GBX2: variants seen among roughly 807,000 people sequenced by gnomAD.
The protein encoded by GBX2 is homeobox protein GBX-2.
A neutral mutation model predicts 22.4 loss-of-function variants in GBX2; 5 were observed. The observed-to-expected ratio is 0.22, with a 90% CI of 0.12 to 0.47. GBX2 has a LOEUF of 0.47. Among genes scored for constraint, GBX2 ranks in the 20% least tolerant of loss-of-function variants. The pLI is 0.99. For missense variants in GBX2, 470 were observed against 495.4 expected, an observed-to-expected ratio of 0.95 and a Z score of 0.49; for synonymous variants, 220 against 230.5, an observed-to-expected ratio of 0.95 and a Z score of 0.41.
At chr2:236,167,317 T>A in intron 1 of GBX2, 132 bp downstream of exon 1, 1 of 1,361,928 alleles carries the variant, frequency 7.3e-7, no homozygotes, top group South Asian at 1.3e-5. Flanking sequence ...CCGGGCCTCA[T>A]CCTCCAGCTC....
chr2:236,163,078 G>T (rs1576380329), downstream of GBX2, among the ~76,000 whole-genome samples: 1 of 152,328 alleles, frequency 6.6e-6, no homozygotes, highest in African/African-American at 2.4e-5. Context: ...ATTCATTAGG[G>T]CCCGGGCGAT....
chr2:236,164,698 C>T (rs909170182), downstream of GBX2, among the ~76,000 whole-genome samples: 7 of 152,280 alleles, frequency 4.6e-5, no homozygotes, highest in African/African-American at 1.7e-4. Flanking sequence ...AGCCAGCCTC[C>T]GCCTCCGACT....
downstream of GBX2, among the ~76,000 whole-genome samples, chr2:236,163,569 C>T (rs1226529643): frequency 6.6e-6 from 1 of 152,198 alleles, no homozygotes; most frequent in Non-Finnish European, 1.5e-5. Flanking sequence ...ATATGGGGGG[C>T]ACTCCAGGAT....
downstream of GBX2, among the ~76,000 whole-genome samples, chr2:236,163,947 G>T (rs180689332): frequency 6.8e-3 from 1,042 of 152,158 alleles, 7 homozygotes; most frequent in African/African-American, 0.022. Context: ...TCGGCGCCCC[G>T]CAGAGCCGGC....
chr2:236,163,807 A>C (rs2060223318), downstream of GBX2, among the ~76,000 whole-genome samples: 2 of 152,092 alleles, frequency 1.3e-5, no homozygotes, highest in South Asian at 4.1e-4. Flanking sequence ...ACCTGCACTC[A>C]GCGCTTCCTG....
At position 236,166,543 on chromosome 2, in the gene GBX2, A is replaced by C; in HGVS notation, c.524-106T>G. The stretch of plus-strand genomic sequence containing the variant: ...CCGCGCCCCCCGCCCCCCACCCTTT[A>C]GCGGATTGTCTTTCTATGACATTAA... On this transcript the variant is annotated intron_variant, in intron 1 of 1. Transcript: ENST00000306318. This position sits in a 1 kb window ranked among gnomAD's most constrained non-coding sequence, Gnocchi z 6.6. 3.2e-6 allele frequency: 3 copies of C among 934,008 alleles called. No homozygotes were observed. The highest frequency in any genetic ancestry group is 4.9e-6 in the Non-Finnish European group (3 of 613,290). 57.9% of individuals were successfully genotyped at this position (934,008 alleles called of 1,614,324 possible).
rs1181360817 is a variant in GBX2 at position 236,167,918 on chromosome 2, A to G, written c.54T>C (p.Ser18=). The change falls in exon 1 of 2, where the codon AGT becomes AGC. Residue 18 remains serine (S), a synonymous_variant. Coordinates refer to ENST00000306318, the MANE Select transcript of GBX2 (RefSeq NM_001485.4). ...GCGAGTCTATGCTGAAGGCGGTGCT[A>G]CTCCCCAGCGGGCGCTGCATCATCA... The part of the protein sequence containing the change: ...SLMMMQRPLG[S]STAFSIDSLI... The G allele has an allele frequency of 2.6e-6, 4 of 1,561,110 alleles. No individual in the cohort carries two copies. Among genetic ancestry groups the G allele is most frequent in the Non-Finnish European group, 2.6e-6 (3 of 1,156,436 alleles).
At position 236,165,980 on chromosome 2, in the gene GBX2, G is replaced by C; in HGVS notation, c.981C>G (p.Ile327Met). The change falls in exon 2 of 2, where the codon ATC becomes ATG. Residue 327 changes from isoleucine (I) to methionine (M), a missense_variant. Ile to Met is a conservative substitution (Grantham distance 10). Transcript: ENST00000306318. The part of the protein sequence containing the change: ...PSRNPKIVVP[I>M]PVHVSRFAIR... Reference sequence around the variant, plus strand: ...TAGCGAACCTGCTGACGTGGACAGGGATGGGGACGACGATCTTAGGGTTCC... The same window carrying C: ...TAGCGAACCTGCTGACGTGGACAGGCATGGGGACGACGATCTTAGGGTTCC... 1 of 1,614,170 alleles carries C rather than the reference G, an allele frequency of 6.2e-7. No homozygotes were observed. Among genetic ancestry groups the C allele is most frequent in the Non-Finnish European group, 8.5e-7 (1 of 1,180,024 alleles).
At chr2:236,162,015 GT>G (rs1376608212), downstream of GBX2, among the ~76,000 whole-genome samples, 1 of 152,244 alleles carries the variant, frequency 6.6e-6, no homozygotes, top group Non-Finnish European at 1.5e-5. Flanking sequence ...TTCCAGACAG[GT>G]CTGGGGCTGG....
chr2:236,164,020 T>C (rs1246815210), downstream of GBX2, among the ~76,000 whole-genome samples: 5 of 152,092 alleles, frequency 3.3e-5, no homozygotes, highest in Admixed American at 3.3e-4. Context: ...CTGGGCCATT[T>C]TCCGCCACCG....
downstream of GBX2, among the ~76,000 whole-genome samples, chr2:236,161,634 C>T: frequency 6.6e-6 from 1 of 152,194 alleles, no homozygotes; most frequent in Admixed American, 6.5e-5. Context: ...CCTGGGAGGA[C>T]CCAGCGGCCA....
chr2:236,165,663 T>A lies in GBX2; in HGVS notation c.*251A>T, dbSNP rs2060234349. On this transcript the variant is annotated 3_prime_UTR_variant, in exon 2 of 2. Coordinates refer to ENST00000306318, the MANE Select transcript of GBX2 (RefSeq NM_001485.4). ...AACTTTCAAAATACTGCAGCTGAGATCCAGTCTATAGAGATATTTATGTAC... is the reference window on the plus strand; with the variant it reads ...AACTTTCAAAATACTGCAGCTGAGAACCAGTCTATAGAGATATTTATGTAC... The A allele has an allele frequency of 2.0e-5, 9 of 444,128 alleles. No individual in the cohort carries two copies. In the South Asian group the frequency reaches 3.9e-4, roughly 19 times the overall value. 27.5% of individuals were successfully genotyped at this position (444,128 alleles called of 1,614,324 possible).
chr2:236,167,350 G>A, intron 1 of GBX2, 99 bp downstream of exon 1: 1 of 1,386,012 alleles, frequency 7.2e-7, no homozygotes, highest in Non-Finnish European at 9.5e-7. Context: ...TCGAGCGGGG[G>A]CGCGGCCTCG....
chr2:236,161,788 G>A (rs566204354), downstream of GBX2, among the ~76,000 whole-genome samples: 267 of 152,302 alleles, frequency 1.8e-3, 1 homozygote, highest in Non-Finnish European at 3.1e-3. Context: ...CTGCCACACC[G>A]CCACTGAAGT....
downstream of GBX2, among the ~76,000 whole-genome samples, chr2:236,163,371 C>T (rs1252189500): frequency 6.6e-6 from 1 of 152,158 alleles, no homozygotes; most frequent in East Asian, 1.9e-4. Context: ...GGGCGAGGAC[C>T]TCGAGGCTGG....
chr2:236,167,294 C>A, intron 1 of GBX2, 155 bp downstream of exon 1: 1 of 1,394,368 alleles, frequency 7.2e-7, no homozygotes, highest in African/African-American at 1.4e-5. Context: ...CCCCCGGAGG[C>A]CCAGCGGCAC....
chr2:236,162,691 G>C (rs60581312), downstream of GBX2, among the ~76,000 whole-genome samples: 32 of 152,320 alleles, frequency 2.1e-4, no homozygotes, highest in African/African-American at 7.2e-4. Context: ...GCCCTGAGGC[G>C]TCCCAGTGCA....
Position 236,167,870 on chromosome 2 carries a change from G to T in GBX2, c.102C>A (p.Pro34=). 6.5e-7 allele frequency: 1 copy of T among 1,545,782 alleles called. No homozygotes were observed. The highest frequency in any genetic ancestry group is 8.7e-7 in the Non-Finnish European group (1 of 1,149,270). The change falls in exon 1 of 2, where the codon CCC becomes CCA. Residue 34 remains proline, a synonymous_variant. Coordinates refer to ENST00000306318, the MANE Select transcript of GBX2 (RefSeq NM_001485.4). ...CGGTGTAGACGAAATGGCCGGGGCT[G>T]GGCTGCGGCGGGCTGCCGATCAGCG... ...IDSLIGSPPQ[P]SPGHFVYTGY...
Position 236,167,747 on chromosome 2 carries a change from C to T in GBX2, c.225G>A (p.Pro75=). The stretch of plus-strand genomic sequence containing the variant: ...GGATCTGGTGGTGAGGGTGTGCGGG[C>T]GGCAGCGCTGGCTGCAGCGCGGCCT... ...LPQAALQPAL[P]PAHPHHQIPS... The change falls in exon 1 of 2, where the codon CCG becomes CCA. Residue 75 remains proline, a synonymous_variant. Transcript: ENST00000306318. 1 of 1,483,624 alleles carries T rather than the reference C, an allele frequency of 6.7e-7. No homozygotes were observed. Among genetic ancestry groups the T allele is most frequent in the Non-Finnish European group, 8.9e-7 (1 of 1,121,926 alleles). The allele number at this position is 1,483,624 out of a possible 1,614,324, so 91.9% of individuals were successfully genotyped here. A position where few individuals can be genotyped will look rare whatever the true frequency, so the allele number is the denominator to read the frequency against.
Sources: gnomAD v4.1 joint callset for allele counts (sites outside exome capture counted in the v4.1 genomes callset) on GRCh38, gnomAD v4.1.1 for gene constraint, Gnocchi (gnomAD v3.1) non-coding constraint, MANE v1.5 for transcripts, NCBI Gene and HGNC (gene_info 2026-07-23, HGNC 2026-07-21) for gene names.